Variants in ZNF841 observed in about 807,000 individuals in gnomAD.
The protein encoded by ZNF841 is TCONS_00006091.
ZNF841 carries 11 observed loss-of-function variants against 13.0 expected under a neutral mutation model. The observed-to-expected ratio is 0.85, with a 90% CI of 0.53 to 1.40. The LOEUF (loss-of-function observed/expected upper bound fraction) is 1.40, where lower values mean the gene tolerates loss of function less well. Among genes scored for constraint, ZNF841 ranks in the 40% most tolerant of loss-of-function variants. ZNF841 has a pLI of 0.00. For missense variants in ZNF841, 1,068 were observed against 1,139.5 expected (o/e 0.94, Z 0.90); for synonymous variants, 369 against 381.6 (o/e 0.97, Z 0.38).
chr19:52,060,409 C>T (rs971633328), downstream of ZNF841, among the ~76,000 whole-genome samples: 2 of 152,218 alleles, frequency 1.3e-5, no homozygotes, highest in South Asian at 4.1e-4. Flanking sequence ...CTGGCCAGGG[C>T]CATTCTCTGG....
rs2087924760 is a variant in ZNF841 at position 52,077,045 on chromosome 19, G to C, written c.55C>G (p.Gln19Glu). The C allele has an allele frequency of 1.2e-6, 2 of 1,612,928 alleles. No individual in the cohort carries two copies. The highest frequency in any genetic ancestry group is 1.7e-6 in the Non-Finnish European group (2 of 1,179,284). Residue 19 changes from glutamine to glutamate, a missense_variant, in exon 5 of 7, where the codon CAG becomes GAG. By Grantham distance (29) the Gln-to-Glu change is conservative. Coordinates refer to ENST00000594440, the MANE Select transcript of ZNF841 (RefSeq NM_001136499.2). ...GGGTCCAGGCATTTCCACTCCTCCT[G>C]AGAGAATTCTACAGCCACATCCCTG... ...TFRDVAVEFSQEEWKCLDPVQ... is the reference protein window; with the variant it reads ...TFRDVAVEFSEEEWKCLDPVQ...
chr19:52,081,408 T>C (rs1252023086), intron 4 of ZNF841, among the ~76,000 whole-genome samples: 6 of 152,166 alleles, frequency 3.9e-5, no homozygotes, highest in African/African-American at 1.4e-4. Flanking sequence ...TATATGTGAA[T>C]TACCAAAGAA....
In ZNF841 at chr19:52,065,320, A is replaced by G. The variant is rs1307575968; in HGVS notation, c.2562T>C (p.Cys854=). ...AAGACCGCCGCCCAAACGCCTTGCC[A>G]CATTCCATACATTTGTATGGCTTCT... ...TGEKPYKCME[C]GKAFGRRSCL... Residue 854 remains cysteine, a synonymous_variant, in exon 7 of 7, where the codon TGT becomes TGC. Coordinates refer to ENST00000594440, the MANE Select transcript of ZNF841 (RefSeq NM_001136499.2). The G allele has an allele frequency of 1.2e-6, 2 of 1,610,896 alleles. No homozygotes were observed. The highest frequency in any genetic ancestry group is 8.5e-7 in the Non-Finnish European group (1 of 1,178,218).
chr19:52,069,932 A>T (rs551867968), intron 6 of ZNF841, among the ~76,000 whole-genome samples: 1 of 152,364 alleles, frequency 6.6e-6, no homozygotes, highest in African/African-American at 2.4e-5. Flanking sequence ...ACACGTTATT[A>T]AACAAATTTG....
chr19:52,066,313 A>G lies in ZNF841; in HGVS notation c.1569T>C (p.Asn523=), dbSNP rs368117426. Residue 523 remains asparagine (N), a synonymous_variant, in exon 7 of 7, where the codon AAT becomes AAC. Transcript: ENST00000594440. ...GATGTACAGTTAGTAATGAGCCCCA[A>G]TTAAAGGCTTTGCCACATTCATTAC... ...YKCNECGKAF[N]WGSLLTVHQR... The G allele has an allele frequency of 3.1e-6, 5 of 1,613,688 alleles. No homozygotes were observed. In the African/African-American group the frequency reaches 6.7e-5, roughly 22 times the overall value.
intron 4 of ZNF841, among the ~76,000 whole-genome samples, chr19:52,081,534 A>G (rs2123320570): frequency 6.6e-6 from 1 of 152,364 alleles, no homozygotes; most frequent in East Asian, 1.9e-4. Context: ...ATCAACAGAA[A>G]TAGAAGCTAT....
downstream of ZNF841, among the ~76,000 whole-genome samples, chr19:52,062,217 T>C (rs755335214): frequency 2.0e-5 from 3 of 152,150 alleles, no homozygotes; most frequent in Non-Finnish European, 4.4e-5. Flanking sequence ...ATGATAATAA[T>C]GTCAATTTAC....
chr19:52,065,241 C>G lies in ZNF841; in HGVS notation c.2641G>C (p.Glu881Gln). 6.2e-7 allele frequency: 1 copy of G among 1,613,994 alleles called. No individual in the cohort carries two copies. The highest frequency in any genetic ancestry group is 8.5e-7 in the Non-Finnish European group (1 of 1,179,932). The change falls in exon 7 of 7, where the codon GAG (glutamate) becomes CAG (glutamine). Residue 881 changes from glutamate (E) to glutamine (Q), a missense_variant. Glu to Gln is a conservative substitution (Grantham distance 29). Transcript: ENST00000594440. ...HSSEKPYKCN[E>Q]CGKSYISRSG... ...CGACTAATGTAAGATTTGCCACACTCATTACATTTATAAGGTTTTTCACTA... is the reference window on the plus strand; with the variant it reads ...CGACTAATGTAAGATTTGCCACACTGATTACATTTATAAGGTTTTTCACTA...
chr19:52,065,786 T>C lies in ZNF841; in HGVS notation c.2096A>G (p.Tyr699Cys), dbSNP rs761652833. ...AFIQSSKLARYHRNPTGEKPH... is the reference protein window; with the variant it reads ...AFIQSSKLARCHRNPTGEKPH... Reference sequence around the variant, plus strand: ...TTTCTCCCCAGTAGGATTTCTGTGATATCTTGCAAGTTTTGAACTTTGGAT... The same window carrying C: ...TTTCTCCCCAGTAGGATTTCTGTGACATCTTGCAAGTTTTGAACTTTGGAT... The change falls in exon 7 of 7, where the codon TAT becomes TGT. Residue 699 changes from tyrosine to cysteine, a missense_variant. By Grantham distance (194) the Tyr-to-Cys change is radical. Transcript: ENST00000594440. 2 of 1,611,312 alleles carry C rather than the reference T, an allele frequency of 1.2e-6. No homozygotes were observed. Among genetic ancestry groups the C allele is most frequent in the East Asian group, 2.2e-5 (1 of 44,868 alleles).
At chr19:52,068,212 A>C (rs143822767) in intron 6 of ZNF841, among the ~76,000 whole-genome samples, 1 of 152,314 alleles carries the variant, frequency 6.6e-6, no homozygotes, top group African/African-American at 2.4e-5. Context: ...ATAACTAGAA[A>C]ATATGTTGAG....
At chr19:52,077,112 A>G (rs1439708095) in intron 4 of ZNF841, 28 bp from the exon 5 acceptor site, 12 of 1,591,638 alleles carry the variant, frequency 7.5e-6, no homozygotes, top group Non-Finnish European at 1.0e-5. Context: ...TTTCAATATG[A>G]GCAGTGGGTG....
chr19:52,090,034 C>A (rs1477670100), intron 2 of ZNF841, among the ~76,000 whole-genome samples: 1 of 151,976 alleles, frequency 6.6e-6, no homozygotes, highest in Non-Finnish European at 1.5e-5. Context: ...CAAGTGCTGA[C>A]AATATTAAGT....
At chr19:52,063,348 T>C (rs1015412400), downstream of ZNF841, among the ~76,000 whole-genome samples, 8 of 151,952 alleles carry the variant, frequency 5.3e-5, no homozygotes, top group African/African-American at 1.9e-4. Context: ...ACATGAACAT[T>C]TGATTTTTTT....
At chr19:52,081,481 C>T (rs778719447) in intron 4 of ZNF841, among the ~76,000 whole-genome samples, 3 of 152,042 alleles carry the variant, frequency 2.0e-5, no homozygotes, top group East Asian at 1.9e-4. Flanking sequence ...GACAAGCTCA[C>T]GAAATCAGGA....
At chr19:52,094,404 C>CA in intron 1 of ZNF841, among the ~76,000 whole-genome samples, 1 of 152,118 alleles carries the variant, frequency 6.6e-6, no homozygotes, top group East Asian at 1.9e-4. Flanking sequence ...TTCTGAGCGT[C>CA]TTTTTTTTCT....
Position 52,067,167 on chromosome 19 carries a change from C to T in ZNF841, c.715G>A (p.Gly239Arg), listed in dbSNP as rs2123220015. 6.4e-7 allele frequency: 1 copy of T among 1,552,936 alleles called. No individual in the cohort carries two copies. Among genetic ancestry groups the T allele is most frequent in the East Asian group, 2.4e-5 (1 of 41,004 alleles). Residue 239 changes from glycine to arginine, a missense_variant, in exon 7 of 7, where the codon GGG becomes AGG. Gly to Arg is a moderately radical substitution (Grantham distance 125). Transcript: ENST00000594440. Reference sequence around the variant, plus strand: ...AACGAAAGTTGCAAAAAATCATTCCCATATTTCCTAGAAATGTTGGTTTGG... The same window carrying T: ...AACGAAAGTTGCAAAAAATCATTCCTATATTTCCTAGAAATGTTGGTTTGG... Reference protein sequence around the residue: ...GVQTNISRKYGNDFLQLSLPT... With the variant: ...GVQTNISRKYRNDFLQLSLPT...
intron 2 of ZNF841, among the ~76,000 whole-genome samples, chr19:52,092,487 G>T (rs2088529891): frequency 6.6e-6 from 1 of 152,166 alleles, no homozygotes; most frequent in African/African-American, 2.4e-5. Flanking sequence ...ATAGGCAAGA[G>T]ATAACAGGTG....
chr19:52,076,158 C>T lies in ZNF841; in HGVS notation c.157G>A (p.Asp53Asn). 6.4e-7 allele frequency: 1 copy of T among 1,554,590 alleles called. No individual in the cohort carries two copies. Among genetic ancestry groups the T allele is most frequent in the Non-Finnish European group, 8.7e-7 (1 of 1,148,534 alleles). Reference sequence around the variant, plus strand: ...TCCAACATGGAGATAATATTCAGGTCAGGAAGACAGAGTCCTGCTTATAAA... The same window carrying T: ...TCCAACATGGAGATAATATTCAGGTTAGGAAGACAGAGTCCTGCTTATAAA... ...NLGFLGLCLP[D>N]LNIISMLEQG... The change falls in exon 6 of 7, where the codon GAC becomes AAC. Residue 53 changes from aspartate (D) to asparagine (N), a missense_variant. Coordinates refer to ENST00000594440, the MANE Select transcript of ZNF841 (RefSeq NM_001136499.2).
intron 2 of ZNF841, among the ~76,000 whole-genome samples, chr19:52,091,644 T>A (rs1479737426): frequency 6.6e-6 from 1 of 152,170 alleles, no homozygotes; most frequent in African/African-American, 2.4e-5. Flanking sequence ...TTCAAAAGAA[T>A]ATGAAACTGG....
Sources: allele counts gnomAD v4.1 joint callset (sites outside exome capture counted in the v4.1 genomes callset), GRCh38; gene constraint gnomAD v4.1.1; transcripts MANE v1.5; gene names NCBI Gene and HGNC (gene_info 2026-07-23, HGNC 2026-07-21).